Variants in HDAC9 observed in about 807,000 individuals in gnomAD.
The protein encoded by HDAC9 is histone deacetylase 9, also known as MEF-2 interacting transcription repressor (MITR) protein.
Under a neutral mutation model 139.4 loss-of-function variants are expected in HDAC9, and 41 were observed. The ratio of observed to expected loss-of-function variants is 0.29; its 90% CI spans 0.23 to 0.38. The LOEUF (loss-of-function observed/expected upper bound fraction) is 0.38, where lower values mean the gene tolerates loss of function less well. Ranked by LOEUF, HDAC9 falls within the 10% of genes least tolerant of loss-of-function variation. The pLI is 1.00. For missense variants in HDAC9, 1,147 were observed against 1,297.0 expected (o/e 0.88, Z 1.78); for synonymous variants, 517 against 476.2 (o/e 1.09, Z -1.12).
At chr7:18,629,304 T>A in intron 6 of HDAC9, 46 bp from the exon 7 acceptor site, 1 of 1,491,972 alleles carries the variant, frequency 6.7e-7, no homozygotes, top group Non-Finnish European at 8.9e-7. Context: ...TGGCTCTCTA[T>A]TTTTTTAATT....
intron 2 of HDAC9, among the ~76,000 whole-genome samples, chr7:18,207,182 G>T (rs1584633456): frequency 6.6e-6 from 1 of 151,962 alleles, no homozygotes; most frequent in Non-Finnish European, 1.5e-5. Flanking sequence ...AAAGCAATCT[G>T]CCTGCCTTGG....
intron 1 of HDAC9, among the ~76,000 whole-genome samples, chr7:18,469,979 A>T (rs1200332578): frequency 6.6e-6 from 1 of 152,154 alleles, no homozygotes; most frequent in African/African-American, 2.4e-5. Context: ...CTCTGTGCAT[A>T]GCTTATTAAT....
At chr7:18,191,949 C>T (rs117648254) in intron 2 of HDAC9, among the ~76,000 whole-genome samples, 2,337 of 152,222 alleles carry the variant, frequency 0.015, 26 homozygotes, top group Non-Finnish European at 0.026. Flanking sequence ...AGACATTATA[C>T]GTGCTTTCTA....
intron 12 of HDAC9, among the ~76,000 whole-genome samples, chr7:18,704,276 C>T (rs980190363): frequency 1.3e-5 from 2 of 152,232 alleles, no homozygotes; most frequent in Admixed American, 6.5e-5. Flanking sequence ...TTTGCTTACA[C>T]ACTTCTTCCT....
At chr7:18,937,046 T>A (rs1468390653) in intron 23 of HDAC9, among the ~76,000 whole-genome samples, 5 of 145,304 alleles carry the variant, frequency 3.4e-5, no homozygotes, top group Non-Finnish European at 7.6e-5. Context: ...TTTTTTTTTT[T>A]TTTTTTTTTC....
chr7:18,877,850 A>C (rs1398470801), intron 22 of HDAC9, among the ~76,000 whole-genome samples: 1 of 152,076 alleles, frequency 6.6e-6, no homozygotes, highest in Non-Finnish European at 1.5e-5. Flanking sequence ...TTTATATATT[A>C]AGTGTTTTCT....
At chr7:18,092,721 G>A (rs1487113743) in intron 1 of HDAC9, among the ~76,000 whole-genome samples, 1 of 152,164 alleles carries the variant, frequency 6.6e-6, no homozygotes, top group Non-Finnish European at 1.5e-5. Flanking sequence ...AGCCTTCTAG[G>A]GATGGGATTG....
chr7:18,442,628 A>G (rs1391729018), intron 1 of HDAC9, among the ~76,000 whole-genome samples: 1 of 152,224 alleles, frequency 6.6e-6, no homozygotes, highest in African/African-American at 2.4e-5. Context: ...AGTTATCTGA[A>G]CTGACCTATG....
At chr7:18,976,002 C>T (rs755221450) in intron 25 of HDAC9, 49 bp downstream of exon 25, 7 of 1,567,716 alleles carry the variant, frequency 4.5e-6, no homozygotes, top group African/African-American at 4.1e-5. Context: ...TATCCAGGCT[C>T]ATCGTTGATA....
chr7:18,380,587 G>GT (rs149964610), intron 1 of HDAC9, among the ~76,000 whole-genome samples: 2 of 152,312 alleles, frequency 1.3e-5, no homozygotes, highest in Non-Finnish European at 2.9e-5. Context: ...CCCTCACGCT[G>GT]TTGCCCTTGA....
Position 18,852,905 on chromosome 7 carries a change from A to G in HDAC9, c.2684+16908A>G, listed in dbSNP as rs568088132. On this transcript the variant is annotated intron_variant, in intron 21 of 25. Transcript: ENST00000686413. ...TGTTAAGGTAGATTTTTAAAAATAT[A>G]TATAAGAAGAAAGGATCCATCGAGG... is the stretch of plus-strand genomic sequence containing the variant. 7.2e-5 allele frequency among the ~76,000 whole-genome samples: 11 copies of G among 152,036 alleles called. No individual in the cohort carries two copies. In the South Asian group the frequency reaches 2.3e-3, roughly 32 times the overall value.
chr7:18,150,895 A>G (rs1205270347), intron 1 of HDAC9, among the ~76,000 whole-genome samples: 2 of 152,228 alleles, frequency 1.3e-5, no homozygotes, highest in African/African-American at 2.4e-5. Flanking sequence ...GACAAAAAGA[A>G]ATGGTTGCCT....
At chr7:18,541,141 G>GTTTTTTTTTTTTTTTT (rs10678670) in intron 2 of HDAC9, among the ~76,000 whole-genome samples, 1 of 65,450 alleles carries the variant, frequency 1.5e-5, no homozygotes, top group African/African-American at 6.8e-5. Flanking sequence ...AAGGAACCGT[G>GTTTTTTTTTTTTTTTT]TTTTTTTTTT....
At chr7:18,829,018 G>A in intron 17 of HDAC9, 143 bp from the exon 18 acceptor site, 2 of 673,522 alleles carry the variant, frequency 3.0e-6, no homozygotes, top group South Asian at 3.4e-5. Context: ...GGCAATGGGG[G>A]AACAAAAACA....
At chr7:18,662,917 T>G (rs1793666822) in intron 11 of HDAC9, among the ~76,000 whole-genome samples, 2 of 152,060 alleles carry the variant, frequency 1.3e-5, no homozygotes, top group African/African-American at 4.8e-5. Flanking sequence ...CTGCTTGGGT[T>G]TGGCAGAGAT....
chr7:18,167,858 G>A (rs894847990), intron 2 of HDAC9, among the ~76,000 whole-genome samples: 5 of 152,160 alleles, frequency 3.3e-5, no homozygotes. Context: ...TACCACATTT[G>A]TCTTAAAATT....
At chr7:18,281,689 C>T (rs1051822119) in intron 2 of HDAC9, among the ~76,000 whole-genome samples, 1 of 152,160 alleles carries the variant, frequency 6.6e-6, no homozygotes, top group Non-Finnish European at 1.5e-5. Flanking sequence ...TATTTTTAGC[C>T]TTTAAGCAGA....
intron 6 of HDAC9, among the ~76,000 whole-genome samples, chr7:18,599,295 A>G (rs1451445995): frequency 3.3e-5 from 5 of 152,216 alleles, no homozygotes. Flanking sequence ...AGGAACAACT[A>G]TTGATACATT....
chr7:18,702,561 C>G (rs1456180483), intron 12 of HDAC9, among the ~76,000 whole-genome samples: 3 of 152,148 alleles, frequency 2.0e-5, no homozygotes, highest in Admixed American at 1.3e-4. Flanking sequence ...CACTTTGGGA[C>G]AACCATAATG....
Sources: gnomAD v4.1 joint callset for allele counts (sites outside exome capture counted in the v4.1 genomes callset) on GRCh38, gnomAD v4.1.1 for gene constraint, MANE v1.5 for transcripts, NCBI Gene and HGNC (gene_info 2026-07-23, HGNC 2026-07-21) for gene names.